Variants in CACNG4 observed in about 807,000 individuals in gnomAD.
CACNG4 encodes the protein voltage-dependent calcium channel gamma-4 subunit.
Under a neutral mutation model 22.9 loss-of-function variants are expected in CACNG4, and 8 were observed. That is an observed-to-expected ratio of 0.35 (90% CI 0.21 to 0.63). The LOEUF (loss-of-function observed/expected upper bound fraction) is 0.63. Ranked by LOEUF, CACNG4 falls within the 30% of genes least tolerant of loss-of-function variation. The pLI, the probability that CACNG4 is intolerant of heterozygous loss-of-function variation, is 0.72. For synonymous variants in CACNG4, 188 were observed against 191.9 expected (o/e 0.98, Z 0.17); for missense variants, 357 against 455.4 (o/e 0.78, Z 1.97).
intron 1 of CACNG4, among the ~76,000 whole-genome samples, chr17:66,970,979 C>T (rs771949281): frequency 6.6e-6 from 1 of 152,156 alleles, no homozygotes; most frequent in Non-Finnish European, 1.5e-5. Context: ...ACAGAAGTGC[C>T]GAGTAGGAAG....
chr17:67,028,080 G>T (rs956250380), intron 3 of CACNG4, among the ~76,000 whole-genome samples: 1 of 152,030 alleles, frequency 6.6e-6, no homozygotes, highest in African/African-American at 2.4e-5. Context: ...GTTGGAAAGG[G>T]TTCTTACAGA....
In CACNG4 at chr17:67,027,977, G is replaced by A. The variant is rs2035578034; in HGVS notation, c.446-2489G>A. The stretch of plus-strand genomic sequence containing the variant: ...GGAGGTTGCAATGAGCTGAGATCAC[G>A]CCACTGCACTCCAGCCTGGGCGACA... On this transcript the variant is annotated intron_variant, in intron 3 of 3. Coordinates refer to ENST00000262138, the MANE Select transcript of CACNG4 (RefSeq NM_014405.4). The surrounding 1 kb of genome is among the most constrained non-coding windows in gnomAD (Gnocchi z 4.3). Among the ~76,000 whole-genome samples, 1 of 151,902 alleles carries A rather than the reference G, an allele frequency of 6.6e-6. No homozygotes were observed. Among genetic ancestry groups the A allele is most frequent in the Non-Finnish European group, 1.5e-5 (1 of 68,000 alleles).
At chr17:67,007,679 A>C (rs2035445697) in intron 1 of CACNG4, among the ~76,000 whole-genome samples, 1 of 152,134 alleles carries the variant, frequency 6.6e-6, no homozygotes, top group Admixed American at 6.5e-5. Context: ...GGAACCAGAA[A>C]GCTTCAGAAG....
intron 1 of CACNG4, among the ~76,000 whole-genome samples, chr17:66,967,088 T>C (rs893220756): frequency 6.6e-6 from 1 of 152,214 alleles, no homozygotes; most frequent in Non-Finnish European, 1.5e-5. Flanking sequence ...GTGGAAATTC[T>C]GAAACTAACT....
intron 1 of CACNG4, among the ~76,000 whole-genome samples, chr17:66,988,332 T>C (rs1322020150): frequency 1.3e-5 from 2 of 152,080 alleles, no homozygotes; most frequent in East Asian, 1.9e-4. Flanking sequence ...TCAGAACTAT[T>C]GTGTGCATGT....
chr17:67,027,506 G>C lies in CACNG4; in HGVS notation c.445+2506G>C, dbSNP rs2035575189. ...TGGCTTCAGGCCACCAGCCCTAGCA[G>C]GGAGGTCTGACAGGCTCTTAAAGAA... is the stretch of plus-strand genomic sequence containing the variant. On this transcript the variant is annotated intron_variant, in intron 3 of 3. Transcript: ENST00000262138. This position sits in a 1 kb window ranked among gnomAD's most constrained non-coding sequence, Gnocchi z 4.3. Among the ~76,000 whole-genome samples, 1 of 152,264 alleles carries C rather than the reference G, an allele frequency of 6.6e-6. No individual in the cohort carries two copies. The highest frequency in any genetic ancestry group is 2.1e-4 in the South Asian group (1 of 4,834).
Position 66,990,330 on chromosome 17 carries a change from T to A in CACNG4, c.220+25199T>A, listed in dbSNP as rs530435266. Among the ~76,000 whole-genome samples the A allele has an allele frequency of 1.7e-4, 26 of 152,340 alleles. 1 individual carries two copies. The South Asian group carries it at 5.4e-3, about 32-fold the overall frequency. On this transcript the variant is annotated intron_variant, in intron 1 of 3. Transcript: ENST00000262138. ...GTTCACTGCATGGCTATTTGTTTTT[T>A]TCCAGGCCAACAGGAACATCTCTGA...
chr17:66,967,440 A>G (rs1309225512), intron 1 of CACNG4, among the ~76,000 whole-genome samples: 1 of 152,106 alleles, frequency 6.6e-6, no homozygotes, highest in Non-Finnish European at 1.5e-5. Flanking sequence ...CTTTTCTCAT[A>G]AAAAGCACAT....
chr17:67,017,860 G>C (rs62072228), intron 1 of CACNG4, among the ~76,000 whole-genome samples: 16 of 152,012 alleles, frequency 1.1e-4, no homozygotes, highest in Non-Finnish European at 1.8e-4. Flanking sequence ...CCCTTGGGTA[G>C]AGGGATCCGA....
At chr17:67,018,018 G>C (rs2035510542) in intron 1 of CACNG4, among the ~76,000 whole-genome samples, 171 bp from the exon 2 acceptor site, 2 of 152,118 alleles carry the variant, frequency 1.3e-5, no homozygotes, top group South Asian at 2.1e-4. Flanking sequence ...GCCATTCTCT[G>C]TGTGTCTCTC....
intron 1 of CACNG4, among the ~76,000 whole-genome samples, chr17:66,989,060 CA>C (rs35041834): frequency 0.018 from 1,122 of 63,302 alleles, 10 homozygotes; most frequent in Non-Finnish European, 0.018. Context: ...GACTCTGCCT[CA>C]AAAAAAAAAA....
intron 1 of CACNG4, among the ~76,000 whole-genome samples, chr17:66,986,609 C>G (rs2035306900): frequency 6.6e-6 from 1 of 152,190 alleles, no homozygotes; most frequent in Admixed American, 6.5e-5. Context: ...GGGGAGGGCA[C>G]AGATCGCTTG....
chr17:67,006,210 C>T (rs2035436577), intron 1 of CACNG4, among the ~76,000 whole-genome samples: 1 of 152,184 alleles, frequency 6.6e-6, no homozygotes, highest in South Asian at 2.1e-4. Flanking sequence ...AAAGAGGCCA[C>T]CCAAGGGCCC....
In CACNG4 at chr17:67,027,007, C is replaced by A. The variant is rs529569028; in HGVS notation, c.445+2007C>A. Reference sequence around the variant, plus strand: ...TCCCGGCTGTGACCCCTCAACACTGCCCCAGAGCGTCCTCCCCACGGCAGG... The same window carrying A: ...TCCCGGCTGTGACCCCTCAACACTGACCCAGAGCGTCCTCCCCACGGCAGG... On this transcript the variant is annotated intron_variant, in intron 3 of 3. Transcript: ENST00000262138. This position sits in a 1 kb window ranked among gnomAD's most constrained non-coding sequence, Gnocchi z 4.3. 6.6e-6 allele frequency among the ~76,000 whole-genome samples: 1 copy of A among 152,232 alleles called. No homozygotes were observed. The highest frequency in any genetic ancestry group is 2.4e-5 in the African/African-American group (1 of 41,516).
In CACNG4 at chr17:66,984,826, G is replaced by C. The variant is rs542411860; in HGVS notation, c.220+19695G>C. Among the ~76,000 whole-genome samples, 81 of 152,238 alleles carry C rather than the reference G, an allele frequency of 5.3e-4. No homozygotes were observed. The highest frequency in any genetic ancestry group is 1.9e-3 in the African/African-American group (79 of 41,542). On this transcript the variant is annotated intron_variant, in intron 1 of 3. Coordinates refer to ENST00000262138, the MANE Select transcript of CACNG4 (RefSeq NM_014405.4). The surrounding 1 kb of genome is among the most constrained non-coding windows in gnomAD (Gnocchi z 4.0). Reference sequence around the variant, plus strand: ...GGGGCAGAGTTTGACTTGAACCCGAGCCTGAGTTTAGCCTCGAGCCTGAGC... The same window carrying C: ...GGGGCAGAGTTTGACTTGAACCCGACCCTGAGTTTAGCCTCGAGCCTGAGC...
intron 3 of CACNG4, among the ~76,000 whole-genome samples, chr17:67,026,276 G>C (rs1320199309): frequency 6.6e-6 from 1 of 151,086 alleles, no homozygotes; most frequent in Non-Finnish European, 1.5e-5. Flanking sequence ...TGTGCGAGGA[G>C]TGTGGTGTGT....
chr17:66,970,121 G>T (rs1228894281), intron 1 of CACNG4, among the ~76,000 whole-genome samples: 2 of 152,198 alleles, frequency 1.3e-5, no homozygotes, highest in Admixed American at 6.5e-5. Flanking sequence ...CCTCAAGGTA[G>T]ATATTAATTA....
chr17:67,018,864 C>G (rs1015043273), intron 2 of CACNG4, among the ~76,000 whole-genome samples: 1 of 152,112 alleles, frequency 6.6e-6, no homozygotes, highest in Admixed American at 6.5e-5. Context: ...TGGGAGCCCC[C>G]ACCTGCTCCT....
chr17:67,022,667 G>A (rs1406495337), intron 2 of CACNG4, among the ~76,000 whole-genome samples: 1 of 152,280 alleles, frequency 6.6e-6, no homozygotes, highest in Non-Finnish European at 1.5e-5. Context: ...AGCTGGCTGG[G>A]GAGGGTGGCG....
Sources: gnomAD v4.1 joint callset for allele counts (sites outside exome capture counted in the v4.1 genomes callset) on GRCh38, gnomAD v4.1.1 for gene constraint, Gnocchi (gnomAD v3.1) non-coding constraint, MANE v1.5 for transcripts, NCBI Gene and HGNC (gene_info 2026-07-23, HGNC 2026-07-21) for gene names.